The following AUTS2 variants were observed in gnomAD, a reference collection of about 807,000 sequenced individuals.
AUTS2 encodes the protein activator of transcription and developmental regulator AUTS2.
In AUTS2, 17 loss-of-function variants were observed where a neutral mutation model predicts 112.4. That is an observed-to-expected ratio of 0.15 (90% CI 0.10 to 0.23). The LOEUF is 0.23. Ranked by LOEUF, AUTS2 falls within the 10% of genes least tolerant of loss-of-function variation. The pLI, the probability that AUTS2 is intolerant of heterozygous loss-of-function variation, is 1.00. For missense variants in AUTS2, 1,510 were observed against 1,701.6 expected (o/e 0.89, Z 1.98); for synonymous variants, 751 against 702.7 (o/e 1.07, Z -1.09).
intron 2 of AUTS2, among the ~76,000 whole-genome samples, chr7:70,051,265 G>T (rs764520952): frequency 1.3e-5 from 2 of 152,256 alleles, no homozygotes; most frequent in African/African-American, 2.4e-5. Context: ...GTGATGAAAT[G>T]AACTTTTTGA....
intron 4 of AUTS2, among the ~76,000 whole-genome samples, chr7:70,421,064 A>G (rs1254033521): frequency 6.6e-6 from 1 of 152,194 alleles, no homozygotes; most frequent in Admixed American, 6.5e-5. Context: ...TTGTGAGACT[A>G]CATTTCACCT....
intron 1 of AUTS2, among the ~76,000 whole-genome samples, chr7:69,747,870 T>C (rs1396031064): frequency 1.3e-5 from 2 of 151,976 alleles, no homozygotes; most frequent in Admixed American, 1.3e-4. Flanking sequence ...TTTTAAAATC[T>C]CTGTTAGGCC....
chr7:70,407,090 C>T (rs1794569203), intron 4 of AUTS2, among the ~76,000 whole-genome samples: 1 of 152,176 alleles, frequency 6.6e-6, no homozygotes, highest in Non-Finnish European at 1.5e-5. Context: ...TCAGTTATAA[C>T]TCCCATGTTA....
chr7:69,718,153 A>G (rs1798719232), intron 1 of AUTS2, among the ~76,000 whole-genome samples: 1 of 152,236 alleles, frequency 6.6e-6, no homozygotes, highest in Admixed American at 6.5e-5. Context: ...CATTGATGAA[A>G]CATATTACAG....
intron 5 of AUTS2, chr7:70,595,970 G>C (rs1358620386): frequency 6.7e-6 from 1 of 149,936 alleles, no homozygotes; most frequent in Non-Finnish European, 1.5e-5. Flanking sequence ...CTCTGCCTGC[G>C]CGCTTTGCCT....
At chr7:70,032,210 A>G (rs1015098730) in intron 2 of AUTS2, among the ~76,000 whole-genome samples, 28 of 152,186 alleles carry the variant, frequency 1.8e-4, no homozygotes, top group African/African-American at 6.3e-4. Flanking sequence ...AGGTGCCCCA[A>G]TGTACTATAA....
Position 70,267,683 on chromosome 7 carries a change from C to T in AUTS2, c.660+133112C>T, listed in dbSNP as rs577122601. Among the ~76,000 whole-genome samples the T allele has an allele frequency of 2.0e-4, 30 of 152,324 alleles. 1 individual carries two copies. The South Asian group carries it at 6.0e-3, about 30-fold the overall frequency. On this transcript the variant is annotated intron_variant, in intron 4 of 18. Coordinates refer to ENST00000342771, the MANE Select transcript of AUTS2 (RefSeq NM_015570.4). The stretch of plus-strand genomic sequence containing the variant: ...ACGTTCAGATTCAGATAAACTGACA[C>T]TGCTGTCAAACACAAGCTATGGAGA...
intron 1 of AUTS2, among the ~76,000 whole-genome samples, chr7:69,682,222 C>T (rs1339205413): frequency 1.3e-5 from 2 of 152,278 alleles, no homozygotes; most frequent in East Asian, 3.9e-4. Context: ...TGTAATGTTT[C>T]TTTGTAGGTG....
chr7:70,487,286 A>G (rs761842776), intron 5 of AUTS2, among the ~76,000 whole-genome samples: 3 of 152,166 alleles, frequency 2.0e-5, no homozygotes, highest in Non-Finnish European at 4.4e-5. Context: ...ATGTTGCATA[A>G]AGGGAAAATA....
intron 1 of AUTS2, among the ~76,000 whole-genome samples, chr7:69,775,579 A>T (rs539382881): frequency 6.6e-6 from 1 of 152,272 alleles, no homozygotes; most frequent in South Asian, 2.1e-4. Context: ...GTCCACCCAG[A>T]TAAAGTGTAG....
At chr7:70,082,901 C>T (rs1441118359) in intron 2 of AUTS2, among the ~76,000 whole-genome samples, 1 of 152,134 alleles carries the variant, frequency 6.6e-6, no homozygotes, top group South Asian at 2.1e-4. Flanking sequence ...TCCCATCTAT[C>T]CAGTCAACAG....
Position 70,787,245 on chromosome 7 carries a change from G to T in AUTS2, c.2345G>T (p.Ser782Ile). ...NSMFGHKDGP[S>I]VQNFSNPHEP... ...ATGTTCGGCCACAAGGATGGCCCCA[G>T]TGTGCAGAACTTTAGCAACCCTCAC... The change falls in exon 18 of 19, where the codon AGT (serine) becomes ATT (isoleucine). Residue 782 changes from serine (S) to isoleucine (I), a missense_variant. By Grantham distance (142) the Ser-to-Ile change is moderately radical. Coordinates refer to ENST00000342771, the MANE Select transcript of AUTS2 (RefSeq NM_015570.4). 6.2e-7 allele frequency: 1 copy of T among 1,614,216 alleles called. No homozygotes were observed. Among genetic ancestry groups the T allele is most frequent in the Non-Finnish European group, 8.5e-7 (1 of 1,180,034 alleles).
intron 6 of AUTS2, among the ~76,000 whole-genome samples, chr7:70,699,672 T>C (rs1337288786): frequency 1.3e-5 from 2 of 152,258 alleles, no homozygotes; most frequent in Admixed American, 6.5e-5. Context: ...TACTGTCATA[T>C]TGAATTTTAT....
At chr7:70,300,861 T>C (rs1010719544) in intron 4 of AUTS2, among the ~76,000 whole-genome samples, 9 of 152,174 alleles carry the variant, frequency 5.9e-5, no homozygotes, top group African/African-American at 1.9e-4. Flanking sequence ...GCTAAACAAA[T>C]AAGTGAGATG....
At chr7:69,680,452 TA>T (rs910440726) in intron 1 of AUTS2, among the ~76,000 whole-genome samples, 8 of 152,150 alleles carry the variant, frequency 5.3e-5, no homozygotes, top group East Asian at 1.9e-4. Flanking sequence ...TTTATTGTGT[TA>T]AAAAAATATT....
chr7:70,498,577 G>A (rs186829209), intron 5 of AUTS2, among the ~76,000 whole-genome samples: 23 of 152,262 alleles, frequency 1.5e-4, no homozygotes, highest in Admixed American at 1.1e-3. Context: ...GGGACTAGGT[G>A]GGGGGTTGGT....
intron 5 of AUTS2, among the ~76,000 whole-genome samples, chr7:70,642,803 C>T (rs1042000945): frequency 1.3e-5 from 2 of 151,854 alleles, no homozygotes; most frequent in African/African-American, 2.4e-5. Flanking sequence ...GTCAACTCCC[C>T]TTCTCGTGCA....
At chr7:70,451,436 T>C (rs1052177657) in intron 5 of AUTS2, among the ~76,000 whole-genome samples, 1 of 148,182 alleles carries the variant, frequency 6.7e-6, no homozygotes, top group Middle Eastern at 3.2e-3. Flanking sequence ...TTTGTATAGC[T>C]TTTTTTTTTA....
intron 6 of AUTS2, among the ~76,000 whole-genome samples, chr7:70,717,433 C>T (rs914929237): frequency 2.0e-5 from 3 of 152,146 alleles, no homozygotes; most frequent in African/African-American, 4.8e-5. Context: ...TTAATCCTCT[C>T]ACCCCTGCCT....
Sources: allele counts gnomAD v4.1 joint callset (sites outside exome capture counted in the v4.1 genomes callset), GRCh38; gene constraint gnomAD v4.1.1; transcripts MANE v1.5; gene names NCBI Gene and HGNC (gene_info 2026-07-23, HGNC 2026-07-21).